Variants in COPG2 observed in about 807,000 individuals in gnomAD.
The protein encoded by COPG2 is coat protein complex I subunit gamma 2.
A neutral mutation model predicts 46.3 loss-of-function variants in COPG2; 37 were observed. That is an observed-to-expected ratio of 0.80 (90% CI 0.61 to 1.05). The LOEUF (loss-of-function observed/expected upper bound fraction) is 1.05, where lower values mean the gene tolerates loss of function less well. Among genes scored for constraint, COPG2 ranks in the 50% least tolerant of loss-of-function variants. The pLI, the probability that COPG2 is intolerant of heterozygous loss-of-function variation, is 0.00. For missense variants in COPG2, 427 were observed against 387.8 expected, an observed-to-expected ratio of 1.10 and a Z score of -0.85; for synonymous variants, 159 against 129.7, an observed-to-expected ratio of 1.23 and a Z score of -1.53.
chr7:130,578,259 G>T (rs1247688374), intron 9 of COPG2, among the ~76,000 whole-genome samples: 10 of 150,186 alleles, frequency 6.7e-5, no homozygotes, highest in Non-Finnish European at 1.5e-4. Context: ...ACACAGCAGG[G>T]TATTCCAACA....
intron 9 of COPG2, among the ~76,000 whole-genome samples, chr7:130,579,518 T>G (rs1488282449): frequency 1.3e-5 from 2 of 151,542 alleles, no homozygotes; most frequent in Admixed American, 6.6e-5. Flanking sequence ...TAAATGTAAA[T>G]GGACTAAATG....
intron 20 of COPG2, among the ~76,000 whole-genome samples, chr7:130,522,175 A>G (rs1466412003): frequency 6.6e-6 from 1 of 152,222 alleles, no homozygotes; most frequent in Non-Finnish European, 1.5e-5. Context: ...AAAGAGGTGC[A>G]GAATGGATTG....
chr7:130,655,355 T>A (rs373968583), intron 4 of COPG2, among the ~76,000 whole-genome samples: 143 of 152,202 alleles, frequency 9.4e-4, no homozygotes, highest in Non-Finnish European at 1.8e-3. Flanking sequence ...TATGAATGGT[T>A]TCCTTTTGAG....
At chr7:130,666,353 C>T (rs936492019) in intron 3 of COPG2, among the ~76,000 whole-genome samples, 1 of 152,172 alleles carries the variant, frequency 6.6e-6, no homozygotes. Context: ...CTAACTAGTA[C>T]TCATTAAATT....
chr7:130,659,756 A>G (rs1291155086), intron 4 of COPG2, among the ~76,000 whole-genome samples: 1 of 152,024 alleles, frequency 6.6e-6, no homozygotes, highest in African/African-American at 2.4e-5. Context: ...TACTAAAAAT[A>G]CAAAAATTAG....
chr7:130,616,886 TG>T, intron 6 of COPG2, 103 bp downstream of exon 6: 1 of 684,246 alleles, frequency 1.5e-6, no homozygotes, highest in South Asian at 2.1e-5. Context: ...TCTCTTATAC[TG>T]AAAATTCACA....
At chr7:130,528,012 C>T (rs1462634033) in intron 20 of COPG2, among the ~76,000 whole-genome samples, 7 of 151,800 alleles carry the variant, frequency 4.6e-5, no homozygotes, top group African/African-American at 7.3e-5. Context: ...GGAGGAAAGG[C>T]GCAAAGGGGA....
intron 9 of COPG2, among the ~76,000 whole-genome samples, chr7:130,591,682 T>A: frequency 7.1e-6 from 1 of 140,076 alleles, no homozygotes; most frequent in Non-Finnish European, 1.6e-5. Flanking sequence ...TACTGGGAAG[T>A]GAGGAGCCCC....
intron 4 of COPG2, among the ~76,000 whole-genome samples, chr7:130,659,724 C>T (rs181423635): frequency 3.1e-4 from 47 of 152,114 alleles, no homozygotes; most frequent in Admixed American, 2.5e-3. Flanking sequence ...CCATCCTGGC[C>T]AACATGATGA....
chr7:130,510,318 C>T (rs980655624), intron 20 of COPG2: 9 of 474,610 alleles, frequency 1.9e-5, no homozygotes, highest in South Asian at 6.4e-5. Context: ...GAGAAAAGAA[C>T]GACTGTGGTT....
At chr7:130,648,999 G>A (rs1554458741) in intron 5 of COPG2, among the ~76,000 whole-genome samples, 1 of 152,100 alleles carries the variant, frequency 6.6e-6, no homozygotes, top group African/African-American at 2.4e-5. Context: ...CTGAGTTGCT[G>A]CTGACGTAGA....
intron 20 of COPG2, among the ~76,000 whole-genome samples, chr7:130,539,393 C>G (rs1011604110): frequency 1.3e-5 from 2 of 152,198 alleles, no homozygotes; most frequent in Admixed American, 1.3e-4. Context: ...AAAAGGCAGC[C>G]TAAGGGAAGG....
intron 6 of COPG2, 31 bp downstream of exon 6, chr7:130,616,959 A>G: frequency 1.4e-6 from 2 of 1,468,756 alleles, no homozygotes; most frequent in South Asian, 2.4e-5. Flanking sequence ...ATAGTGTTCC[A>G]TTTGGTAACT....
rs1338317542 is a variant in COPG2, at chr7:130,627,789, G to A, written c.324-10724C>T. 1.2e-3 allele frequency among the ~76,000 whole-genome samples: 173 copies of A among 141,656 alleles called. 1 individual carries two copies. The highest frequency in any genetic ancestry group is 1.9e-3 in the Non-Finnish European group (125 of 64,826). 92.9% of individuals were successfully genotyped at this position (141,656 alleles called of 152,430 possible). A position where few individuals can be genotyped will look rare whatever the true frequency, so the allele number is the denominator to read the frequency against. On this transcript the variant is annotated intron_variant, in intron 5 of 23. Transcript: ENST00000425248. ...ATGCGGGGGGTGGGGGGTGTGGTTC[G>A]GGGGGCGGGGTGCGGTTCAGGGGAG... is the stretch of plus-strand genomic sequence containing the variant.
At chr7:130,606,937 T>C (rs1473341706) in intron 9 of COPG2, among the ~76,000 whole-genome samples, 3 of 152,164 alleles carry the variant, frequency 2.0e-5, no homozygotes, top group Non-Finnish European at 4.4e-5. Context: ...TGGTAACTAT[T>C]TTCCATTAAA....
chr7:130,557,312 T>A (rs1274477677), intron 12 of COPG2, among the ~76,000 whole-genome samples: 1 of 152,104 alleles, frequency 6.6e-6, no homozygotes, highest in East Asian at 1.9e-4. Flanking sequence ...AAAACTAATA[T>A]AAAAATATTT....
intron 5 of COPG2, among the ~76,000 whole-genome samples, chr7:130,643,950 C>CA (rs1470701845): frequency 2.0e-5 from 3 of 152,304 alleles, no homozygotes; most frequent in Admixed American, 2.0e-4. Flanking sequence ...GCCTGGGTGA[C>CA]AGAGAGAGAC....
intron 20 of COPG2, among the ~76,000 whole-genome samples, chr7:130,517,845 CAAAT>C (rs1267628840): frequency 2.0e-5 from 3 of 152,092 alleles, no homozygotes; most frequent in Non-Finnish European, 4.4e-5. Flanking sequence ...TGCAAAAAGA[CAAAT>C]AAGCTGTGGA....
chr7:130,657,958 A>T (rs1554460127), intron 4 of COPG2, among the ~76,000 whole-genome samples: 2 of 152,322 alleles, frequency 1.3e-5, no homozygotes. Flanking sequence ...GAATGATTAC[A>T]AATATTTTAG....
Sources: gnomAD v4.1 joint callset for allele counts (sites outside exome capture counted in the v4.1 genomes callset) on GRCh38, gnomAD v4.1.1 for gene constraint, MANE v1.5 for transcripts, NCBI Gene and HGNC (gene_info 2026-07-23, HGNC 2026-07-21) for gene names.